Variants in NECTIN2 observed in about 807,000 individuals in gnomAD.
NECTIN2 encodes the protein nectin-2.
In NECTIN2, 23 loss-of-function variants were observed where a neutral mutation model predicts 56.9. The observed-to-expected ratio is 0.40, with a 90% CI of 0.29 to 0.57. The LOEUF is 0.57. Ranked by LOEUF, NECTIN2 falls within the 20% of genes least tolerant of loss-of-function variation. NECTIN2 has a pLI of 0.38. For missense variants in NECTIN2, 587 were observed against 718.3 expected (o/e 0.82, Z 2.09); for synonymous variants, 302 against 313.8 (o/e 0.96, Z 0.40).
rs2122694141 is a variant in NECTIN2, at chr19:44,875,736, AC to A, written c.1042+1263del. Among the ~76,000 whole-genome samples, 1 of 152,034 alleles carries A rather than the reference AC, an allele frequency of 6.6e-6. No individual in the cohort carries two copies. The highest frequency in any genetic ancestry group is 2.4e-5 in the African/African-American group (1 of 41,450). On this transcript the variant is annotated intron_variant, in intron 5 of 8. Transcript: ENST00000252483. The surrounding 1 kb of genome is among the most constrained non-coding windows in gnomAD (Gnocchi z 4.2). ...ACTAGCCACGGAGGGACAGAAGCAG[AC>A]CCCCTTACTGAGTCATAATCTTAGA...
intron 2 of NECTIN2, among the ~76,000 whole-genome samples, chr19:44,867,955 G>A (rs973397260): frequency 1.3e-5 from 2 of 152,110 alleles, no homozygotes; most frequent in African/African-American, 4.8e-5. Context: ...AGGCATTGCT[G>A]GGAAGACGGA....
At chr19:44,863,548 C>T (rs1969058246) in intron 1 of NECTIN2, among the ~76,000 whole-genome samples, 1 of 151,984 alleles carries the variant, frequency 6.6e-6, no homozygotes, top group Non-Finnish European at 1.5e-5. Context: ...GCACTTGCAC[C>T]TGCTAAAAAT....
intron 2 of NECTIN2, among the ~76,000 whole-genome samples, chr19:44,867,078 G>A (rs384653): frequency 0.52 from 79,297 of 151,564 alleles, 22,110 homozygotes; most frequent in African/African-American, 0.71. Context: ...TAGTGGAGTG[G>A]CGCGATCTCG....
At chr19:44,872,174 C>A (rs759568332) in intron 3 of NECTIN2, 25 bp downstream of exon 3, 1 of 1,602,084 alleles carries the variant, frequency 6.2e-7, no homozygotes, top group Admixed American at 1.7e-5. Flanking sequence ...GGTGACCCCT[C>A]CCCCATCAAA....
intron 2 of NECTIN2, among the ~76,000 whole-genome samples, chr19:44,869,129 C>T (rs374302135): frequency 1.3e-5 from 2 of 152,016 alleles, no homozygotes; most frequent in South Asian, 2.1e-4. Context: ...CTTCTCCTCC[C>T]CACCCTCACA....
At chr19:44,857,453 G>A (rs1968978169) in intron 1 of NECTIN2, among the ~76,000 whole-genome samples, 1 of 151,782 alleles carries the variant, frequency 6.6e-6, no homozygotes, top group African/African-American at 2.4e-5. Context: ...CCAGGCTGGA[G>A]TGTAGTGGCA....
chr19:44,879,691 A>G lies in NECTIN2; in HGVS notation c.1043-2520A>G, dbSNP rs1969286612. On this transcript the variant is annotated intron_variant, in intron 5 of 8. Coordinates refer to ENST00000252483, the MANE Select transcript of NECTIN2 (RefSeq NM_001042724.2). ...CAGGCTCAGTAAGGGACAGGTTTTT[A>G]CCCGCGTCACCTCTGCTCTCCCAAG... is the stretch of plus-strand genomic sequence containing the variant. Among the ~76,000 whole-genome samples the G allele has an allele frequency of 2.0e-5, 3 of 151,982 alleles. 1 individual carries two copies. In the South Asian group the frequency reaches 6.2e-4, roughly 32 times the overall value.
chr19:44,847,387 T>C (rs1163374464), intron 1 of NECTIN2, among the ~76,000 whole-genome samples: 1 of 151,888 alleles, frequency 6.6e-6, no homozygotes, highest in African/African-American at 2.4e-5. Flanking sequence ...TGGATTTAAT[T>C]GTGGGCAGGG....
intron 5 of NECTIN2, among the ~76,000 whole-genome samples, chr19:44,877,165 T>C (rs552943152): frequency 6.6e-6 from 1 of 152,242 alleles, no homozygotes; most frequent in South Asian, 2.1e-4. Flanking sequence ...TGACCCCCTG[T>C]TTGAAAACAA....
At chr19:44,872,790 T>TTTA (rs1428324202) in intron 3 of NECTIN2, among the ~76,000 whole-genome samples, 1,509 of 78,570 alleles carry the variant, frequency 0.019, 28 homozygotes, top group African/African-American at 0.06. Context: ...TTACATTGTA[T>TTTA]TTATTATTTA....
At chr19:44,850,466 G>A (rs564684805) in intron 1 of NECTIN2, among the ~76,000 whole-genome samples, 11 of 152,150 alleles carry the variant, frequency 7.2e-5, no homozygotes, top group African/African-American at 1.9e-4. Context: ...GCAACACGGC[G>A]AAACCCTGTC....
intron 1 of NECTIN2, among the ~76,000 whole-genome samples, chr19:44,864,315 G>GAA (rs35058449): frequency 4.6e-5 from 7 of 151,510 alleles, no homozygotes; most frequent in Non-Finnish European, 4.4e-5. Flanking sequence ...CCCTGTCTGA[G>GAA]AAAAAAAATG....
chr19:44,872,773 AT>A (rs1969190966), intron 3 of NECTIN2, among the ~76,000 whole-genome samples: 1 of 142,684 alleles, frequency 7.0e-6, no homozygotes, highest in Non-Finnish European at 1.5e-5. Flanking sequence ...CTGATCCTTG[AT>A]ATTATTTACA....
Position 44,846,319 on chromosome 19 carries a change from G to C in NECTIN2, c.-207G>C. The C allele has an allele frequency of 1.9e-6, 1 of 534,054 alleles. No individual in the cohort carries two copies. Among genetic ancestry groups the C allele is most frequent in the Non-Finnish European group, 3.0e-6 (1 of 329,938 alleles). The allele number at this position is 534,054 out of a possible 1,614,324, so 33.1% of individuals were successfully genotyped here. ...CCTGTGACGTCAGCGGGTTCGAACCGCCGGAGCTGAGCGAGAGGCCGGGGG... is the reference window on the plus strand; with the variant it reads ...CCTGTGACGTCAGCGGGTTCGAACCCCCGGAGCTGAGCGAGAGGCCGGGGG... On this transcript the variant is annotated 5_prime_UTR_variant, in exon 1 of 9. Transcript: ENST00000252483.
intron 1 of NECTIN2, among the ~76,000 whole-genome samples, chr19:44,856,961 G>GC (rs1186942240): frequency 6.6e-6 from 1 of 152,154 alleles, no homozygotes; most frequent in Non-Finnish European, 1.5e-5. Context: ...CCTGGGCCAC[G>GC]CCCCGTGAAC....
chr19:44,867,543 C>T (rs1969115581), intron 2 of NECTIN2, among the ~76,000 whole-genome samples: 1 of 152,144 alleles, frequency 6.6e-6, no homozygotes, highest in Non-Finnish European at 1.5e-5. Context: ...AAGTAGGGGA[C>T]ATAGTGGCCT....
chr19:44,878,192 C>T, intron 5 of NECTIN2: 1 of 635,758 alleles, frequency 1.6e-6, no homozygotes, highest in Non-Finnish European at 2.8e-6. Flanking sequence ...CCCTTTCTCT[C>T]TCTCTCACCC....
rs1213979933 is a variant in NECTIN2 at position 44,875,004 on chromosome 19, G to A, written c.1042+526G>A. Among the ~76,000 whole-genome samples, 2 of 152,206 alleles carry A rather than the reference G, an allele frequency of 1.3e-5. No homozygotes were observed. The highest frequency in any genetic ancestry group is 2.9e-5 in the Non-Finnish European group (2 of 68,040). On this transcript the variant is annotated intron_variant, in intron 5 of 8. Transcript: ENST00000252483. The surrounding 1 kb of genome is among the most constrained non-coding windows in gnomAD (Gnocchi z 4.2). ...CGGCCGGGACTGTTAACAGAGCCAT[G>A]CTTCCTGGGACAGAGAGACCCCTGG...
intron 2 of NECTIN2, among the ~76,000 whole-genome samples, chr19:44,870,531 TC>T (rs992815193): frequency 2.0e-4 from 31 of 152,056 alleles, no homozygotes; most frequent in African/African-American, 7.5e-4. Flanking sequence ...GTGATTTTTT[TC>T]CATGTTTTCC....
Sources: allele counts gnomAD v4.1 joint callset (sites outside exome capture counted in the v4.1 genomes callset), GRCh38; gene constraint gnomAD v4.1.1; non-coding constraint Gnocchi (gnomAD v3.1); transcripts MANE v1.5; gene names NCBI Gene and HGNC (gene_info 2026-07-23, HGNC 2026-07-21).